Variants in TAF1 observed in about 807,000 individuals in gnomAD.
TAF1 encodes transcription initiation factor TFIID subunit 1.
TAF1 carries 2 observed loss-of-function variants against 138.5 expected under a neutral mutation model. The ratio of observed to expected loss-of-function variants is 0.01; its 90% CI spans 0.01 to 0.05. The LOEUF (loss-of-function observed/expected upper bound fraction) is 0.05. Among genes scored for constraint, TAF1 ranks in the 10% least tolerant of loss-of-function variants. The pLI is 1.00. For missense variants in TAF1, 709 were observed against 1,478.0 expected, an observed-to-expected ratio of 0.48 and a Z score of 8.53; for synonymous variants, 437 against 503.2, an observed-to-expected ratio of 0.87 and a Z score of 1.76.
At chrX:71,512,596 T>C (rs2039752486) in intron 13 of TAF1, among the ~76,000 whole-genome samples, 1 of 111,284 alleles carries the variant, frequency 9.0e-6, no homozygotes, top group South Asian at 3.8e-4. Flanking sequence ...GGCAGGTGGA[T>C]CACTTGAGGT....
At chrX:71,496,791 CTT>C (rs913480787) in intron 13 of TAF1, among the ~76,000 whole-genome samples, 7 of 111,441 alleles carry the variant, frequency 6.3e-5, no homozygotes, top group African/African-American at 2.3e-4. Context: ...TGCTGTCTCT[CTT>C]TCTTTCTCTG....
chrX:71,514,366 GA>G (rs1347655084), intron 13 of TAF1, among the ~76,000 whole-genome samples: 1 of 106,495 alleles, frequency 9.4e-6, no homozygotes, highest in Admixed American at 1.0e-4. Context: ...AAACCATTGA[GA>G]GGGGAAGGAA....
chrX:71,401,787 T>C, intron 25 of TAF1, 48 bp downstream of exon 25: 5 of 1,117,655 alleles, frequency 4.5e-6, no homozygotes, highest in Non-Finnish European at 4.9e-6. Flanking sequence ...TTATTTGAGG[T>C]TGGTTATATT....
intron 28 of TAF1, chrX:71,420,105 G>T: frequency 2.2e-6 from 1 of 448,905 alleles, no homozygotes; most frequent in Non-Finnish European, 4.0e-6. Flanking sequence ...CCATGATGTC[G>T]CTCTAGCCTG....
chrX:71,471,938 C>G (rs1194591499), intron 13 of TAF1, among the ~76,000 whole-genome samples: 7 of 112,180 alleles, frequency 6.2e-5, no homozygotes, highest in Non-Finnish European at 1.3e-4. Context: ...GAGGTACTTT[C>G]AATTTCCCAA....
chrX:71,481,769 G>A (rs1002186774), intron 13 of TAF1, among the ~76,000 whole-genome samples: 1 of 111,295 alleles, frequency 9.0e-6, no homozygotes, highest in African/African-American at 3.3e-5. Flanking sequence ...GTGTTAGCCA[G>A]GATGGTCTCG....
At chrX:71,433,642 C>T (rs1330048420) in intron 32 of TAF1, among the ~76,000 whole-genome samples, 1 of 110,963 alleles carries the variant, frequency 9.0e-6, no homozygotes, top group African/African-American at 3.3e-5. Context: ...TACGTATTTG[C>T]AAAGAGTTTA....
At chrX:71,517,580 G>A (rs2039847123) in intron 13 of TAF1, among the ~76,000 whole-genome samples, 1 of 111,833 alleles carries the variant, frequency 8.9e-6, no homozygotes, top group African/African-American at 3.3e-5. Flanking sequence ...AAGAATATGG[G>A]AACTTCAGTC....
chrX:71,396,810 A>G (rs1364143022), intron 22 of TAF1, among the ~76,000 whole-genome samples: 2 of 109,990 alleles, frequency 1.8e-5, no homozygotes, highest in Non-Finnish European at 3.8e-5. Flanking sequence ...AGGCTGGCCT[A>G]TCTCTTGAGC....
At chrX:71,516,637 G>A (rs756654377) in intron 13 of TAF1, among the ~76,000 whole-genome samples, 319 of 93,563 alleles carry the variant, frequency 3.4e-3, no homozygotes, top group Non-Finnish European at 5.0e-3. Flanking sequence ...GTGAGACCCC[G>A]TCTTAAAAAA....
chrX:71,404,066 C>CGGGTTCAAGGGA lies in TAF1; in HGVS notation c.3998+2328_3998+2339dup, dbSNP rs761023796. On this transcript the variant is annotated intron_variant, in intron 25 of 37. Transcript: ENST00000423759. Reference sequence around the variant, plus strand: ...TCGGCTCACTGAAACCTTTGCCTCCCGGGTTCAAGGGATTCTCCTGCCTCA... The same window carrying CGGGTTCAAGGGA: ...TCGGCTCACTGAAACCTTTGCCTCCCGGGTTCAAGGGAGGGTTCAAGGGATTCTCCTGCCTCA... 2.7e-3 allele frequency among the ~76,000 whole-genome samples: 290 copies of CGGGTTCAAGGGA among 108,712 alleles called. 1 individual carries two copies. The highest frequency in any genetic ancestry group is 0.017 in the South Asian group (42 of 2,522). 94.4% of individuals were successfully genotyped at this position (108,712 alleles called of 115,157 possible).
exon 15 of TAF1, chrX:71,530,078 C>T: frequency 5.8e-6 from 1 of 172,341 alleles, no homozygotes; most frequent in Non-Finnish European, 1.2e-5. Context: ...TCACAGGTGG[C>T]CATATCTTTA....
intron 13 of TAF1, among the ~76,000 whole-genome samples, chrX:71,527,537 T>C (rs1376141759): frequency 9.0e-6 from 1 of 111,168 alleles, no homozygotes. Flanking sequence ...TTGCGGCAGA[T>C]TAAGGAGAAT....
Position 71,401,503 on chromosome X carries a change from G to A in TAF1, c.3787-25G>A, listed in dbSNP as rs189315177. 21 of 1,206,944 alleles carry A rather than the reference G, an allele frequency of 1.7e-5. No individual in the cohort carries two copies. In the Middle Eastern group the frequency reaches 9.2e-4, roughly 53 times the overall value. ...GTGTTTCAGCCTACTTACCTCTGAC[G>A]TGTTTGATACTTTTCCTTTTGCAGC... is the stretch of plus-strand genomic sequence containing the variant. On this transcript the variant is annotated intron_variant, in intron 24 of 37. Transcript: ENST00000423759.
At chrX:71,371,607 T>C (rs1037407269) in intron 3 of TAF1, among the ~76,000 whole-genome samples, 12 of 112,095 alleles carry the variant, frequency 1.1e-4, no homozygotes, top group Non-Finnish European at 2.1e-4. Context: ...CCTTTATGTA[T>C]GCATTACTTG....
intron 13 of TAF1, among the ~76,000 whole-genome samples, chrX:71,489,273 G>A (rs1303706163): frequency 9.0e-6 from 1 of 110,861 alleles, no homozygotes. Flanking sequence ...GTGATACTGG[G>A]GTTTAAGATG....
intron 13 of TAF1, among the ~76,000 whole-genome samples, chrX:71,482,593 G>A (rs1046028779): frequency 8.9e-6 from 1 of 112,130 alleles, no homozygotes; most frequent in African/African-American, 3.2e-5. Context: ...ATACTTTATC[G>A]CTAAAAAAAT....
intron 28 of TAF1, among the ~76,000 whole-genome samples, chrX:71,411,575 T>C (rs2035791498): frequency 8.9e-6 from 1 of 112,743 alleles, no homozygotes; most frequent in Non-Finnish European, 1.9e-5. Flanking sequence ...TATACTGTTC[T>C]CCACTTTTTC....
intron 32 of TAF1, among the ~76,000 whole-genome samples, chrX:71,434,715 A>G (rs1369889206): frequency 8.9e-6 from 1 of 112,305 alleles, no homozygotes; most frequent in Non-Finnish European, 1.9e-5. Context: ...CGTAAGTACT[A>G]GATCAGTCTC....
Sources: gnomAD v4.1 joint callset for allele counts (sites outside exome capture counted in the v4.1 genomes callset) on GRCh38, gnomAD v4.1.1 for gene constraint, MANE v1.5 for transcripts, NCBI Gene and HGNC (gene_info 2026-07-23, HGNC 2026-07-21) for gene names.